The following ERC2 variants were observed in gnomAD, a reference collection of about 807,000 sequenced individuals.
The protein encoded by ERC2 is ELKS/RAB6-interacting/CAST family member 2.
A neutral mutation model predicts 114.8 loss-of-function variants in ERC2; 42 were observed. That is an observed-to-expected ratio of 0.37 (90% CI 0.29 to 0.47). The LOEUF (loss-of-function observed/expected upper bound fraction) is 0.47. Ranked by LOEUF, ERC2 falls within the 20% of genes least tolerant of loss-of-function variation. The pLI is 0.99. For synonymous variants in ERC2, 454 were observed against 425.5 expected (o/e 1.07, Z -0.82); for missense variants, 939 against 1,150.7 (o/e 0.82, Z 2.66).
intron 14 of ERC2, among the ~76,000 whole-genome samples, chr3:55,816,212 C>T (rs752133542): frequency 2.6e-5 from 4 of 152,210 alleles, no homozygotes; most frequent in Non-Finnish European, 5.9e-5. Flanking sequence ...AAGCGTGTAT[C>T]GGATGGGAGA....
At chr3:56,224,765 AC>A (rs1278473321) in intron 3 of ERC2, among the ~76,000 whole-genome samples, 4 of 152,170 alleles carry the variant, frequency 2.6e-5, no homozygotes, top group African/African-American at 9.7e-5. Flanking sequence ...ATTCTCTTCT[AC>A]ATTCCACTTC....
chr3:56,138,463 G>A (rs1050856960), intron 6 of ERC2, among the ~76,000 whole-genome samples: 1 of 152,212 alleles, frequency 6.6e-6, no homozygotes, highest in Non-Finnish European at 1.5e-5. Flanking sequence ...AATGGTCAAA[G>A]GTATAGGGGC....
intron 17 of ERC2, among the ~76,000 whole-genome samples, chr3:55,630,856 T>A (rs358915): frequency 6.6e-6 from 1 of 152,104 alleles, no homozygotes; most frequent in African/African-American, 2.4e-5. Context: ...ACCCAGAGTA[T>A]CCGGGCTGTG....
intron 2 of ERC2, among the ~76,000 whole-genome samples, chr3:56,402,930 A>G (rs1482949010): frequency 1.3e-5 from 2 of 152,194 alleles, no homozygotes; most frequent in Non-Finnish European, 2.9e-5. Flanking sequence ...GACTCTTCTC[A>G]GCACTGTGGG....
chr3:56,106,529 G>C (rs1333229883), intron 6 of ERC2, among the ~76,000 whole-genome samples: 1 of 152,158 alleles, frequency 6.6e-6, no homozygotes, highest in Admixed American at 6.5e-5. Context: ...TCTGGACTCT[G>C]GGGACAAAGA....
intron 16 of ERC2, among the ~76,000 whole-genome samples, chr3:55,695,880 A>C (rs1174697452): frequency 6.6e-6 from 1 of 152,188 alleles, no homozygotes; most frequent in Admixed American, 6.5e-5. Flanking sequence ...TACTGGATTA[A>C]ATTAAATTGG....
rs2057353438 is a variant in ERC2, at chr3:55,583,338, CCTGT to C, written c.*40-72066_*40-72063del. On this transcript the variant is annotated intron_variant, in intron 17 of 17. Transcript: ENST00000288221. ...GGTTTCCAGTGTGGAAGCTTGCCTG[CCTGT>C]CTGCCTGCCTGCCTGCCTGCCTGCC... 5.3e-5 allele frequency among the ~76,000 whole-genome samples: 8 copies of C among 150,482 alleles called. No homozygotes were observed. The South Asian group carries it at 1.5e-3, about 28-fold the overall frequency.
chr3:55,545,483 A>G (rs1159072148), intron 17 of ERC2, among the ~76,000 whole-genome samples: 1 of 152,214 alleles, frequency 6.6e-6, no homozygotes, highest in Non-Finnish European at 1.5e-5. Context: ...GATCAGGTAG[A>G]ATGGATGGGT....
chr3:56,074,616 G>A (rs897126567), intron 7 of ERC2, among the ~76,000 whole-genome samples: 1 of 152,144 alleles, frequency 6.6e-6, no homozygotes, highest in Admixed American at 6.5e-5. Context: ...AAAGGAAAAT[G>A]AAGGAAGAGT....
chr3:55,759,478 A>C (rs1273503814), intron 14 of ERC2, among the ~76,000 whole-genome samples: 6 of 106,404 alleles, frequency 5.6e-5, no homozygotes, highest in African/African-American at 2.1e-4. Flanking sequence ...AAAAAAAAAA[A>C]AAAAAAAAAA....
chr3:56,040,648 GTATAT>G (rs2075120078), intron 7 of ERC2, among the ~76,000 whole-genome samples: 1 of 34,580 alleles, frequency 2.9e-5, no homozygotes, highest in Non-Finnish European at 5.9e-5. Context: ...ATATATAGAT[GTATAT>G]GTATATATAC....
At chr3:55,653,993 C>T (rs1273405456) in intron 17 of ERC2, among the ~76,000 whole-genome samples, 1 of 152,186 alleles carries the variant, frequency 6.6e-6, no homozygotes, top group Non-Finnish European at 1.5e-5. Flanking sequence ...TTCCTGGTTA[C>T]ATATTGTCAT....
At chr3:55,544,073 A>C (rs527427922) in intron 17 of ERC2, among the ~76,000 whole-genome samples, 1 of 152,300 alleles carries the variant, frequency 6.6e-6, no homozygotes, top group African/African-American at 2.4e-5. Flanking sequence ...GGACTAAGCA[A>C]GGCTGCCCAG....
At chr3:56,061,847 A>G (rs905081911) in intron 7 of ERC2, among the ~76,000 whole-genome samples, 1 of 152,230 alleles carries the variant, frequency 6.6e-6, no homozygotes, top group African/African-American at 2.4e-5. Context: ...TCTGTAATTC[A>G]GTAAACTGCT....
At chr3:55,831,992 T>C (rs113358550) in intron 14 of ERC2, among the ~76,000 whole-genome samples, 2,687 of 152,322 alleles carry the variant, frequency 0.018, 87 homozygotes, top group African/African-American at 0.061. Context: ...TCCACGGAGT[T>C]TCACTGATTG....
chr3:56,391,394 A>G (rs2060122445), intron 2 of ERC2, among the ~76,000 whole-genome samples: 2 of 152,184 alleles, frequency 1.3e-5, no homozygotes, highest in African/African-American at 4.8e-5. Context: ...CTAGAACTTT[A>G]TAGTTTATCA....
chr3:56,193,011 G>C (rs1032139), intron 3 of ERC2, among the ~76,000 whole-genome samples: 140,125 of 152,226 alleles, frequency 0.92, 64,869 homozygotes, highest in East Asian at 1. Context: ...CTACCTACCC[G>C]ATTTTGACTC....
intron 12 of ERC2, among the ~76,000 whole-genome samples, chr3:55,981,544 C>A (rs542266347): frequency 6.6e-6 from 1 of 152,128 alleles, no homozygotes; most frequent in South Asian, 2.1e-4. Flanking sequence ...CAACACCCAG[C>A]CAGCACAGAC....
rs866641696 is a variant in ERC2 at position 55,747,892 on chromosome 3, T to C, written c.2565-12974A>G. 2.3e-4 allele frequency among the ~76,000 whole-genome samples: 35 copies of C among 152,386 alleles called. 2 individuals are homozygous for C. Among genetic ancestry groups the C allele is most frequent in the Middle Eastern group, 3.4e-3 (1 of 294 alleles). ...ACAAAGAGCTGCAAGACTCAGCTTA[T>C]GTATTCCTAAATTATAAAAAGTTAT... On this transcript the variant is annotated intron_variant, in intron 14 of 17. Coordinates refer to ENST00000288221, the MANE Select transcript of ERC2 (RefSeq NM_015576.3).
Sources: gnomAD v4.1 joint callset for allele counts (sites outside exome capture counted in the v4.1 genomes callset) on GRCh38, gnomAD v4.1.1 for gene constraint, MANE v1.5 for transcripts, NCBI Gene and HGNC (gene_info 2026-07-23, HGNC 2026-07-21) for gene names.